PCDHGA3: variants seen among roughly 807,000 people sequenced by gnomAD.
PCDHGA3 encodes the protein protocadherin gamma subfamily A, 3.
A neutral mutation model predicts 58.5 loss-of-function variants in PCDHGA3; 40 were observed. The observed-to-expected ratio is 0.68, with a 90% CI of 0.53 to 0.89. PCDHGA3 has a LOEUF of 0.89. Among genes scored for constraint, PCDHGA3 ranks in the 40% least tolerant of loss-of-function variants. The pLI is 0.00. For synonymous variants in PCDHGA3, 530 were observed against 525.7 expected, an observed-to-expected ratio of 1.01 and a Z score of -0.11; for missense variants, 1,223 against 1,195.9, an observed-to-expected ratio of 1.02 and a Z score of -0.33.
rs374134053 is a variant in PCDHGA3, at chr5:141,389,297, A to T, written c.2424+42840A>T. ...ACCCGCCTGGAGCCTCTATTTCACA[A>T]GTCAGGGCTTCTGATCCGGACTTGG... On this transcript the variant is annotated intron_variant, in intron 1 of 3. Coordinates refer to ENST00000253812, the MANE Select transcript of PCDHGA3 (RefSeq NM_018916.4). 6.2e-6 allele frequency: 10 copies of T among 1,613,860 alleles called. No individual in the cohort carries two copies. In the African/African-American group the frequency reaches 1.3e-4, roughly 22 times the overall value.
At chr5:141,400,227 C>T in intron 1 of PCDHGA3, 1 of 1,614,052 alleles carries the variant, frequency 6.2e-7, no homozygotes, top group Middle Eastern at 1.6e-4. Flanking sequence ...TGCTCTTCCT[C>T]CTGGCCGTGA....
chr5:141,429,651 C>G (rs62379161), intron 1 of PCDHGA3, among the ~76,000 whole-genome samples: 5,146 of 152,188 alleles, frequency 0.034, 101 homozygotes, highest in Middle Eastern at 0.088. Context: ...TATTTCTTCC[C>G]AATTTAAAAT....
intron 1 of PCDHGA3, chr5:141,384,324 T>G (rs373247436): frequency 1.9e-6 from 3 of 1,613,744 alleles, no homozygotes; most frequent in Non-Finnish European, 2.5e-6. Context: ...TCTTAGTGAC[T>G]GCACAGGACC....
intron 1 of PCDHGA3, chr5:141,352,345 C>T: frequency 6.2e-7 from 1 of 1,614,090 alleles, no homozygotes; most frequent in Admixed American, 1.7e-5. Flanking sequence ...TGGCCTTGAT[C>T]TCAGTGCTCT....
chr5:141,392,366 G>C (rs956315393), intron 1 of PCDHGA3: 4 of 152,962 alleles, frequency 2.6e-5, no homozygotes, highest in East Asian at 1.9e-4. Context: ...GCTACAATCT[G>C]ATCATTCTGA....
At chr5:141,375,681 C>T in intron 1 of PCDHGA3, 4 of 1,614,270 alleles carry the variant, frequency 2.5e-6, no homozygotes, top group Non-Finnish European at 3.4e-6. Flanking sequence ...CTGTGGGTGA[C>T]AGCCAGCGAC....
chr5:141,418,102 C>T (rs760484009), intron 1 of PCDHGA3: 15 of 1,614,014 alleles, frequency 9.3e-6, no homozygotes, highest in Non-Finnish European at 1.3e-5. Context: ...ACGCGCAGAG[C>T]GGGGACTTAC....
At chr5:141,371,875 G>T in intron 1 of PCDHGA3, 1 of 1,613,506 alleles carries the variant, frequency 6.2e-7, no homozygotes, top group Non-Finnish European at 8.5e-7. Context: ...ATCGTGGCCA[G>T]TGACCTGGAG....
chr5:141,352,131 C>G (rs780634408), intron 1 of PCDHGA3: 37 of 1,610,516 alleles, frequency 2.3e-5, no homozygotes, highest in Non-Finnish European at 2.7e-5. Context: ...GAGGTGCGCA[C>G]AGCGCGTGCC....
At position 141,395,103 on chromosome 5, in the gene PCDHGA3, C is replaced by T. The variant is rs1462569715; in HGVS notation, c.2424+48646C>T. 9 of 1,614,156 alleles carry T rather than the reference C, an allele frequency of 5.6e-6. No homozygotes were observed. The highest frequency in any genetic ancestry group is 1.1e-5 in the South Asian group (1 of 91,074). On this transcript the variant is annotated intron_variant, in intron 1 of 3. Transcript: ENST00000253812. ...GGAAGTCTCCCTCACCGCCGACTCG[C>T]GGAAGAGTCACCTGATCTTTCCCCA... is the stretch of plus-strand genomic sequence containing the variant.
chr5:141,356,313 G>T, intron 1 of PCDHGA3: 2 of 1,554,238 alleles, frequency 1.3e-6, no homozygotes, highest in Non-Finnish European at 1.7e-6. Flanking sequence ...TTTTCAACGT[G>T]CATGACAGTG....
chr5:141,491,247 G>A lies in PCDHGA3; in HGVS notation c.2425-3560G>A, dbSNP rs1356752106. ...CAGTGCTGCTGGTTCTGGAGGATGA[G>A]GACCCTGAGGAAATGCCCAAATCCA... On this transcript the variant is annotated intron_variant, in intron 1 of 3. Coordinates refer to ENST00000253812, the MANE Select transcript of PCDHGA3 (RefSeq NM_018916.4). The surrounding 1 kb of genome is among the most constrained non-coding windows in gnomAD (Gnocchi z 6.9). The A allele has an allele frequency of 3.2e-5, 51 of 1,614,192 alleles. No individual in the cohort carries two copies. The highest frequency in any genetic ancestry group is 4.3e-5 in the Non-Finnish European group (51 of 1,180,018).
intron 1 of PCDHGA3, among the ~76,000 whole-genome samples, chr5:141,380,195 C>T (rs1248752838): frequency 6.6e-5 from 10 of 152,092 alleles, no homozygotes; most frequent in African/African-American, 2.4e-4. Flanking sequence ...CCACTGAGCC[C>T]GGCCTGAAAG....
In PCDHGA3 at chr5:141,489,116, C is replaced by A; in HGVS notation, c.2425-5691C>A. Reference sequence around the variant, plus strand: ...TAAGAACTGCTGCAAGCAGGCAAACCTCCGAGCAGTTTTTAAGAGGCTGGA... The same window carrying A: ...TAAGAACTGCTGCAAGCAGGCAAACATCCGAGCAGTTTTTAAGAGGCTGGA... On this transcript the variant is annotated intron_variant, in intron 1 of 3. Transcript: ENST00000253812. The surrounding 1 kb of genome is among the most constrained non-coding windows in gnomAD (Gnocchi z 4.5). 3.7e-6 allele frequency: 2 copies of A among 536,398 alleles called. No homozygotes were observed. The highest frequency in any genetic ancestry group is 6.2e-6 in the Non-Finnish European group (2 of 322,530). 33.2% of individuals were successfully genotyped at this position (536,398 alleles called of 1,614,324 possible).
intron 1 of PCDHGA3, chr5:141,382,874 G>A (rs369372304): frequency 1.6e-5 from 24 of 1,523,072 alleles, no homozygotes; most frequent in Non-Finnish European, 1.8e-6. Context: ...CGAGATCGGC[G>A]CCTAAGCAAG....
rs374176829 is a variant in PCDHGA3 at position 141,350,876 on chromosome 5, C to A, written c.2424+4419C>A. The A allele has an allele frequency of 3.7e-6, 6 of 1,613,936 alleles. No homozygotes were observed. In the Admixed American group the frequency reaches 6.7e-5, roughly 18 times the overall value. On this transcript the variant is annotated intron_variant, in intron 1 of 3. Coordinates refer to ENST00000253812, the MANE Select transcript of PCDHGA3 (RefSeq NM_018916.4). The stretch of plus-strand genomic sequence containing the variant: ...AGACAGGGAACATCAGAGCTCTCAT[C>A]GCTTAATCCTGACTGCCATGGATGG...
In PCDHGA3 at chr5:141,490,858, G is replaced by C. The variant is rs775132338; in HGVS notation, c.2425-3949G>C. On this transcript the variant is annotated intron_variant, in intron 1 of 3. Coordinates refer to ENST00000253812, the MANE Select transcript of PCDHGA3 (RefSeq NM_018916.4). The surrounding 1 kb of genome is among the most constrained non-coding windows in gnomAD (Gnocchi z 5.4). ...GATTGTGGTGGGGGTTCGAGACTCC[G>C]GCTCTCCCCCATTGCATGCCAACAC... The C allele has an allele frequency of 1.5e-5, 24 of 1,613,704 alleles. 1 individual carries two copies. Among genetic ancestry groups the C allele is most frequent in the Non-Finnish European group, 2.0e-5 (24 of 1,179,918 alleles).
At chr5:141,421,700 C>A (rs755518757) in intron 1 of PCDHGA3, 2 of 1,613,900 alleles carry the variant, frequency 1.2e-6, no homozygotes, top group Non-Finnish European at 1.7e-6. Flanking sequence ...CTTCCTAATG[C>A]TAGGGATCCA....
chr5:141,391,230 G>C (rs2092321546), intron 1 of PCDHGA3: 1 of 152,026 alleles, frequency 6.6e-6, no homozygotes, highest in Non-Finnish European at 1.5e-5. Flanking sequence ...TGAGCCTTTT[G>C]CTAGGTATAT....
Sources: allele counts gnomAD v4.1 joint callset (sites outside exome capture counted in the v4.1 genomes callset), GRCh38; gene constraint gnomAD v4.1.1; non-coding constraint Gnocchi (gnomAD v3.1); transcripts MANE v1.5; gene names NCBI Gene and HGNC (gene_info 2026-07-23, HGNC 2026-07-21).